CUX1: variants seen among roughly 807,000 people sequenced by gnomAD.
The protein encoded by CUX1 is protein CASP.
CUX1 carries 31 observed loss-of-function variants against 158.8 expected under a neutral mutation model. The ratio of observed to expected loss-of-function variants is 0.20; its 90% CI spans 0.15 to 0.26. The LOEUF is 0.26. Ranked by LOEUF, CUX1 falls within the 10% of genes least tolerant of loss-of-function variation. The pLI, the probability that CUX1 is intolerant of heterozygous loss-of-function variation, is 1.00. For missense variants in CUX1, 1,589 were observed against 2,014.6 expected (o/e 0.79, Z 4.04); for synonymous variants, 879 against 862.1 (o/e 1.02, Z -0.34).
chr7:102,180,117 G>A (rs1792867311), intron 11 of CUX1, among the ~76,000 whole-genome samples: 1 of 151,932 alleles, frequency 6.6e-6, no homozygotes, highest in African/African-American at 2.4e-5. Flanking sequence ...TCCGCCTCCT[G>A]GATTCAAGCA....
intron 1 of CUX1, among the ~76,000 whole-genome samples, chr7:101,875,434 T>C (rs746016730): frequency 2.6e-5 from 4 of 152,206 alleles, no homozygotes; most frequent in Non-Finnish European, 5.9e-5. Context: ...CTGTTAGACA[T>C]GGTGTTTAAT....
chr7:102,260,822 T>C (rs1417302659), downstream of CUX1, among the ~76,000 whole-genome samples: 3 of 152,214 alleles, frequency 2.0e-5, no homozygotes, highest in African/African-American at 7.2e-5. Context: ...TTGTCTGCAA[T>C]GGTCCTGTGT....
intron 3 of CUX1, among the ~76,000 whole-genome samples, chr7:102,058,056 ACT>A (rs565914112): frequency 1.6e-4 from 25 of 152,220 alleles, no homozygotes; most frequent in African/African-American, 6.0e-4. Context: ...CCAAGGCAAG[ACT>A]CTCCACCAGC....
At chr7:102,120,505 A>G (rs1234250926) in intron 8 of CUX1, among the ~76,000 whole-genome samples, 8 of 152,216 alleles carry the variant, frequency 5.3e-5, no homozygotes, top group African/African-American at 1.9e-4. Context: ...CCTAGCCTAT[A>G]TGCTTTTTTC....
intron 4 of CUX1, among the ~76,000 whole-genome samples, chr7:102,075,182 A>G (rs956638733): frequency 2.6e-5 from 4 of 151,708 alleles, no homozygotes. Context: ...TTTGTCACCA[A>G]CTCTGGCCAT....
chr7:101,976,712 A>C (rs373050728), intron 2 of CUX1, among the ~76,000 whole-genome samples: 3 of 152,184 alleles, frequency 2.0e-5, no homozygotes, highest in South Asian at 4.1e-4. Context: ...CTAAATTTAC[A>C]TCGGTGGATC....
chr7:102,195,821 C>G (rs925604929), intron 14 of CUX1, among the ~76,000 whole-genome samples: 1 of 152,186 alleles, frequency 6.6e-6, no homozygotes, highest in African/African-American at 2.4e-5. Flanking sequence ...ACGGGCCAGC[C>G]GCACAGGCTC....
At chr7:102,163,330 GT>G (rs1317053735) in intron 9 of CUX1, among the ~76,000 whole-genome samples, 3 of 133,866 alleles carry the variant, frequency 2.2e-5, no homozygotes, top group Non-Finnish European at 5.1e-5. Context: ...CTACAAAAAA[GT>G]TTAAAAAAAA....
rs782210972 is a variant in CUX1, at chr7:102,204,365, G to A, written c.2908-26G>A. The A allele has an allele frequency of 3.1e-6, 5 of 1,611,682 alleles. No individual in the cohort carries two copies. In the South Asian group the frequency reaches 5.5e-5, roughly 18 times the overall value. Reference sequence around the variant, plus strand: ...GTCATGCTAATAGCCAGGCACTGATGGCCTGTGTGTTCGGTGCCACTCCAG... The same window carrying A: ...GTCATGCTAATAGCCAGGCACTGATAGCCTGTGTGTTCGGTGCCACTCCAG... On this transcript the variant is annotated intron_variant, in intron 18 of 23. Coordinates refer to ENST00000292535, the MANE Select transcript of CUX1 (RefSeq NM_181552.4).
At chr7:101,854,637 C>T (rs188009265) in intron 1 of CUX1, among the ~76,000 whole-genome samples, 16 of 152,310 alleles carry the variant, frequency 1.1e-4, no homozygotes, top group Admixed American at 2.0e-4. Context: ...GAAATGACAC[C>T]CTGTCTCCCA....
At chr7:101,874,427 C>T (rs946813872) in intron 1 of CUX1, among the ~76,000 whole-genome samples, 2 of 152,204 alleles carry the variant, frequency 1.3e-5, no homozygotes, top group Admixed American at 6.5e-5. Context: ...TGGGAGCCCT[C>T]GAACTTTTCT....
intron 14 of CUX1, among the ~76,000 whole-genome samples, chr7:102,271,531 C>T (rs937219427): frequency 6.6e-6 from 1 of 152,234 alleles, no homozygotes; most frequent in Admixed American, 6.5e-5. Flanking sequence ...TGGTATTTAT[C>T]GTCTCTCTGG....
intron 8 of CUX1, among the ~76,000 whole-genome samples, chr7:102,158,204 CAA>C (rs1790000868): frequency 6.6e-6 from 1 of 152,192 alleles, no homozygotes; most frequent in Admixed American, 6.5e-5. Context: ...TTCCCTCCCA[CAA>C]AGAGAATTTA....
Position 101,869,872 on chromosome 7 carries a change from CCT to C in CUX1, c.31-46242_31-46241del, listed in dbSNP as rs985548342. On this transcript the variant is annotated intron_variant, in intron 1 of 23. Coordinates refer to ENST00000292535, the MANE Select transcript of CUX1 (RefSeq NM_181552.4). This position sits in a 1 kb window ranked among gnomAD's most constrained non-coding sequence, Gnocchi z 4.5. The stretch of plus-strand genomic sequence containing the variant: ...TCCTCTTGTTAAGACGCGCTCCGCC[CCT>C]GTGTCCTTATTTCCCACCGTGGTGG... Among the ~76,000 whole-genome samples the C allele has an allele frequency of 1.3e-4, 20 of 152,136 alleles. No homozygotes were observed. Among genetic ancestry groups the C allele is most frequent in the African/African-American group, 3.6e-4 (15 of 41,430 alleles).
intron 3 of CUX1, among the ~76,000 whole-genome samples, chr7:102,029,337 G>A (rs1820435186): frequency 6.6e-6 from 1 of 152,082 alleles, no homozygotes; most frequent in African/African-American, 2.4e-5. Context: ...GGAACACATG[G>A]GGGAAGGGAC....
intron 1 of CUX1, among the ~76,000 whole-genome samples, chr7:101,849,743 G>A (rs185456871): frequency 6.6e-6 from 1 of 152,112 alleles, no homozygotes. Context: ...TCAGGTCTTT[G>A]AGGAATCATC....
intron 9 of CUX1, among the ~76,000 whole-genome samples, chr7:102,160,740 A>G (rs1676958773): frequency 2.0e-5 from 3 of 152,208 alleles, no homozygotes; most frequent in South Asian, 4.1e-4. Flanking sequence ...AGAGGAGCCA[A>G]CTTCAGAGAG....
At position 102,251,872 on chromosome 7, in the gene CUX1, T is replaced by C. The variant is rs1801551371; in HGVS notation, c.*2830T>C. 1 of 985,444 alleles carries C rather than the reference T, an allele frequency of 1.0e-6. No individual in the cohort carries two copies. Among genetic ancestry groups the C allele is most frequent in the Non-Finnish European group, 1.2e-6 (1 of 829,928 alleles). The allele number at this position is 985,444 out of a possible 1,614,324, so 61.0% of individuals were successfully genotyped here. A position where few individuals can be genotyped will look rare whatever the true frequency, so the allele number is the denominator to read the frequency against. ...TACAAAGGTGTTAAATCTGAGGAAA[T>C]TGACAAATACAGATTTGTCCATTCT... is the stretch of plus-strand genomic sequence containing the variant. On this transcript the variant is annotated 3_prime_UTR_variant, in exon 24 of 24. Transcript: ENST00000292535.
At chr7:102,180,882 T>C (rs1554513782) in intron 11 of CUX1, among the ~76,000 whole-genome samples, 1 of 150,916 alleles carries the variant, frequency 6.6e-6, no homozygotes, top group Non-Finnish European at 1.5e-5. Context: ...CTCAGCCAGG[T>C]CGTTTTTTTT....
Sources: allele counts gnomAD v4.1 joint callset (sites outside exome capture counted in the v4.1 genomes callset), GRCh38; gene constraint gnomAD v4.1.1; non-coding constraint Gnocchi (gnomAD v3.1); transcripts MANE v1.5; gene names NCBI Gene and HGNC (gene_info 2026-07-23, HGNC 2026-07-21).